The following COBL variants were observed in gnomAD, a reference collection of about 807,000 sequenced individuals.
COBL encodes protein cordon-bleu.
In COBL, 51 loss-of-function variants were observed where a neutral mutation model predicts 98.8. The ratio of observed to expected loss-of-function variants is 0.52; its 90% CI spans 0.41 to 0.65. The LOEUF is 0.65. COBL is among the 30% of genes least tolerant of loss of function. COBL has a pLI of 0.00. For synonymous variants in COBL, 634 were observed against 651.7 expected (o/e 0.97, Z 0.41); for missense variants, 1,617 against 1,617.5 (o/e 1.00, Z 0.01).
At chr7:51,095,450 A>C (rs1348086561) in intron 6 of COBL, among the ~76,000 whole-genome samples, 1 of 152,242 alleles carries the variant, frequency 6.6e-6, no homozygotes, top group Non-Finnish European at 1.5e-5. Flanking sequence ...GAGAGTGCCA[A>C]CAGAATAAAA....
chr7:51,064,927 G>A lies in COBL; in HGVS notation c.1096+20239C>T. 4 of 577,212 alleles carry A rather than the reference G, an allele frequency of 6.9e-6. No homozygotes were observed. The East Asian group carries it at 8.6e-5, about 12-fold the overall frequency. The allele number at this position is 577,212 out of a possible 1,614,324, so 35.8% of individuals were successfully genotyped here. ...GCCTGGAAAGGATGCAGTGCGGTCT[G>A]TGGTGACGGGTTCATATTCAGGCTC... On this transcript the variant is annotated intron_variant, in intron 7 of 12. Transcript: ENST00000265136.
At position 51,028,709 on chromosome 7, in the gene COBL, A is replaced by G. The variant is rs985288637; in HGVS notation, c.2387T>C (p.Val796Ala). The G allele has an allele frequency of 2.0e-5, 33 of 1,613,746 alleles. No homozygotes were observed. The highest frequency in any genetic ancestry group is 2.7e-5 in the Non-Finnish European group (32 of 1,179,888). ...CTCTGGATTCTGCGTCTGCGTGGGC[A>G]CAGGGGTGGAGGGGGGTCCCCTGGC... ...SSARGPPSTP[V>A]PTQTQNPESR... The change falls in exon 10 of 13, where the codon GTG (valine) becomes GCG (alanine). Residue 796 changes from valine (V) to alanine (A), a missense_variant. This residue lies in a region of COBL where 1,304 missense variants were observed against 1,282.0 expected (regional missense o/e 1.02). Coordinates refer to ENST00000265136, the MANE Select transcript of COBL (RefSeq NM_015198.5).
intron 5 of COBL, among the ~76,000 whole-genome samples, chr7:51,159,695 T>A (rs1486609346): frequency 6.6e-6 from 1 of 152,132 alleles, no homozygotes; most frequent in Non-Finnish European, 1.5e-5. Flanking sequence ...AAATCTACAT[T>A]TATTTTTTTC....
chr7:51,117,042 T>A (rs925847852), intron 6 of COBL, among the ~76,000 whole-genome samples: 6 of 151,944 alleles, frequency 3.9e-5, no homozygotes, highest in Non-Finnish European at 8.8e-5. Context: ...CATTAACTCG[T>A]CATTTACATT....
intron 5 of COBL, among the ~76,000 whole-genome samples, chr7:51,147,244 C>T (rs1402900741): frequency 6.6e-6 from 1 of 152,224 alleles, no homozygotes; most frequent in Non-Finnish European, 1.5e-5. Context: ...TCCACTAAGC[C>T]CTTCCTTGTC....
chr7:51,050,586 G>C (rs1790138701), intron 7 of COBL, among the ~76,000 whole-genome samples: 1 of 152,220 alleles, frequency 6.6e-6, no homozygotes, highest in African/African-American at 2.4e-5. Flanking sequence ...GTCCTTCTCA[G>C]AACCTTTCCA....
chr7:51,294,089 G>A (rs988906797), intron 1 of COBL, among the ~76,000 whole-genome samples: 5 of 152,006 alleles, frequency 3.3e-5, no homozygotes, highest in African/African-American at 4.8e-5. Context: ...TCAGGAATTC[G>A]AGACCAGCCT....
intron 6 of COBL, among the ~76,000 whole-genome samples, chr7:51,094,887 C>T (rs1378979897): frequency 1.3e-5 from 2 of 151,970 alleles, no homozygotes; most frequent in East Asian, 3.9e-4. Context: ...GGGTGAAATG[C>T]AAAGGAAAAC....
chr7:51,187,871 T>C (rs1789700415), intron 4 of COBL: 3 of 1,222,022 alleles, frequency 2.5e-6, no homozygotes, highest in Admixed American at 4.2e-5. Context: ...CCATGCATAG[T>C]GCAGCCTCAC....
At chr7:51,080,761 G>GCC (rs1308768718) in intron 7 of COBL, among the ~76,000 whole-genome samples, 4 of 152,156 alleles carry the variant, frequency 2.6e-5, no homozygotes, top group Non-Finnish European at 4.4e-5. Flanking sequence ...GCCAAAAATA[G>GCC]CCGGAAGTTT....
At chr7:51,018,955 AT>A (rs1280450312) in intron 12 of COBL, among the ~76,000 whole-genome samples, 1 of 86,002 alleles carries the variant, frequency 1.2e-5, no homozygotes. Flanking sequence ...TATATATATG[AT>A]TTTTTTTGCA....
At chr7:51,054,898 T>C (rs1377719774) in intron 7 of COBL, among the ~76,000 whole-genome samples, 1 of 152,148 alleles carries the variant, frequency 6.6e-6, no homozygotes, top group Non-Finnish European at 1.5e-5. Flanking sequence ...TAAAACATCG[T>C]TTCCTTTCCA....
chr7:51,087,854 G>C (rs907397014), intron 6 of COBL, among the ~76,000 whole-genome samples: 1 of 148,334 alleles, frequency 6.7e-6, no homozygotes, highest in Non-Finnish European at 1.5e-5. Flanking sequence ...CACAAGATGC[G>C]TATGAGGAAG....
chr7:51,278,379 C>CTTTT (rs10649607), intron 1 of COBL, among the ~76,000 whole-genome samples: 76 of 119,442 alleles, frequency 6.4e-4, no homozygotes, highest in East Asian at 4.3e-3. Context: ...TAGACAGGAT[C>CTTTT]TTTTTTTTTT....
intron 1 of COBL, among the ~76,000 whole-genome samples, chr7:51,228,981 G>C (rs1794466558): frequency 6.6e-6 from 1 of 152,176 alleles, no homozygotes; most frequent in African/African-American, 2.4e-5. Flanking sequence ...GAATAGATCA[G>C]AGAAAACTTA....
intron 1 of COBL, among the ~76,000 whole-genome samples, chr7:51,284,562 C>A (rs1237171411): frequency 6.6e-6 from 1 of 151,748 alleles, no homozygotes; most frequent in Non-Finnish European, 1.5e-5. Flanking sequence ...GGCATGGTGG[C>A]TCATGCCTGT....
At position 51,027,693 on chromosome 7, in the gene COBL, C is replaced by T. The variant is rs746194621; in HGVS notation, c.3384+19G>A. The T allele has an allele frequency of 1.6e-5, 25 of 1,593,994 alleles. No individual in the cohort carries two copies. The highest frequency in any genetic ancestry group is 6.7e-5 in the East Asian group (3 of 44,780). On this transcript the variant is annotated intron_variant, in intron 10 of 12. Coordinates refer to ENST00000265136, the MANE Select transcript of COBL (RefSeq NM_015198.5). The stretch of plus-strand genomic sequence containing the variant: ...GTGGGCAGGTGTGGAAGGCCTGCCC[C>T]GGAAGCCGCCATCCTCACCTTGCGT...
chr7:51,183,405 A>G (rs1789181308), intron 5 of COBL, among the ~76,000 whole-genome samples: 1 of 152,186 alleles, frequency 6.6e-6, no homozygotes, highest in Non-Finnish European at 1.5e-5. Flanking sequence ...ACGGATAATG[A>G]GCATTTTCTT....
At chr7:51,074,975 C>T (rs947586678) in intron 7 of COBL, among the ~76,000 whole-genome samples, 7 of 152,158 alleles carry the variant, frequency 4.6e-5, no homozygotes, top group Admixed American at 3.9e-4. Context: ...TTCCCAGATT[C>T]TTTAACCTGT....
Sources: gnomAD v4.1 joint callset for allele counts (sites outside exome capture counted in the v4.1 genomes callset) on GRCh38, gnomAD v4.1.1 for gene constraint, gnomAD v4.1.1 regional missense constraint, MANE v1.5 for transcripts, NCBI Gene and HGNC (gene_info 2026-07-23, HGNC 2026-07-21) for gene names.